Variants in LAMA1 observed in about 807,000 individuals in gnomAD.
The protein encoded by LAMA1 is laminin subunit alpha-1.
LAMA1 carries 219 observed loss-of-function variants against 348.7 expected under a neutral mutation model. The observed-to-expected ratio is 0.63, with a 90% CI of 0.56 to 0.70. The LOEUF (loss-of-function observed/expected upper bound fraction) is 0.70, where lower values mean the gene tolerates loss of function less well. Ranked by LOEUF, LAMA1 falls within the 30% of genes least tolerant of loss-of-function variation. The pLI is 0.00. For missense variants in LAMA1, 3,744 were observed against 3,888.0 expected, an observed-to-expected ratio of 0.96 and a Z score of 0.99; for synonymous variants, 1,487 against 1,491.0, an observed-to-expected ratio of 1.00 and a Z score of 0.06.
chr18:7,110,167 C>A (rs1028115151), intron 1 of LAMA1, among the ~76,000 whole-genome samples: 2 of 149,258 alleles, frequency 1.3e-5, no homozygotes, highest in Non-Finnish European at 3.0e-5. Flanking sequence ...GGTGACAGAG[C>A]AAGACTCCAT....
rs1422713235 is a variant in LAMA1 at position 6,999,921 on chromosome 18, G to A, written c.4459C>T (p.His1487Tyr). The change falls in exon 31 of 63, where the codon CAC becomes TAC. Residue 1487 changes from histidine to tyrosine, a missense_variant. His to Tyr is a moderately conservative substitution (Grantham distance 83). Around this residue, in one of 3 missense-constraint regions of LAMA1, gnomAD observed 1,983 missense variants for 1,934.3 expected, o/e 1.03. Transcript: ENST00000389658. ...DACLLGYEGK[H>Y]CERCSSSYYG... ...AATCCACCCATGTACCTTTCACAGT[G>A]TTTTCCTTCATAGCCCAGGAGACAG... 1 of 1,614,038 alleles carries A rather than the reference G, an allele frequency of 6.2e-7. No individual in the cohort carries two copies. The highest frequency in any genetic ancestry group is 2.2e-5 in the East Asian group (1 of 44,878).
chr18:7,009,275 A>G lies in LAMA1; in HGVS notation c.3965T>C (p.Ile1322Thr). Residue 1322 changes from isoleucine (I) to threonine (T), a missense_variant, in exon 27 of 63, where the codon ATC becomes ACC. This residue lies in a region of LAMA1 where 1,983 missense variants were observed against 1,934.3 expected (regional missense o/e 1.03). Transcript: ENST00000389658. Reference sequence around the variant, plus strand: ...TAATCCTTGACCATACGATGCCTTGATGAGGATGTACTCAATATCGCTGAG... The same window carrying G: ...TAATCCTTGACCATACGATGCCTTGGTGAGGATGTACTCAATATCGCTGAG... Reference protein sequence around the residue: ...SVLSDIEYILIKASYGQGLQQ... With the variant: ...SVLSDIEYILTKASYGQGLQQ... The G allele has an allele frequency of 6.2e-7, 1 of 1,614,112 alleles. No homozygotes were observed. The highest frequency in any genetic ancestry group is 8.5e-7 in the Non-Finnish European group (1 of 1,179,966).
chr18:6,967,635 C>A (rs2057639456), intron 48 of LAMA1, among the ~76,000 whole-genome samples: 1 of 152,156 alleles, frequency 6.6e-6, no homozygotes, highest in South Asian at 2.1e-4. Context: ...TTCGGAGGTC[C>A]TCGATGGGCC....
At chr18:6,972,324 T>C in intron 47 of LAMA1, 4 of 343,258 alleles carry the variant, frequency 1.2e-5, no homozygotes, top group South Asian at 2.5e-5. Flanking sequence ...CTTCAGAGCA[T>C]TGAACCAGAT....
chr18:7,080,483 G>A (rs1340895828), intron 1 of LAMA1, 26 bp from the exon 2 acceptor site: 1 of 1,612,138 alleles, frequency 6.2e-7, no homozygotes, highest in Admixed American at 1.7e-5. Flanking sequence ...TACCAAATCA[G>A]CTGAGCCACT....
intron 3 of LAMA1, among the ~76,000 whole-genome samples, chr18:7,053,244 A>G (rs2058069034): frequency 6.6e-6 from 1 of 152,190 alleles, no homozygotes; most frequent in Admixed American, 6.5e-5. Flanking sequence ...ACCACCCTGT[A>G]TGATACTCTA....
intron 57 of LAMA1, 37 bp from the exon 58 acceptor site, chr18:6,951,008 CTT>C: frequency 6.3e-7 from 1 of 1,583,812 alleles, no homozygotes; most frequent in South Asian, 1.1e-5. Flanking sequence ...AGAAAGGAAA[CTT>C]TTACTTTTCA....
chr18:6,949,302 A>G (rs748900821), intron 58 of LAMA1, 43 bp from the exon 59 acceptor site: 67 of 1,597,088 alleles, frequency 4.2e-5, no homozygotes, highest in Non-Finnish European at 4.7e-5. Flanking sequence ...AGGAATCTGA[A>G]AAAACTTTTA....
intron 1 of LAMA1, among the ~76,000 whole-genome samples, chr18:7,081,368 G>T (rs1026785798): frequency 1.3e-5 from 2 of 152,148 alleles, no homozygotes; most frequent in Non-Finnish European, 2.9e-5. Context: ...TGGTCCAGTT[G>T]ACTCTGGTAG....
At chr18:7,010,817 G>T (rs957288099) in intron 25 of LAMA1, among the ~76,000 whole-genome samples, 6 of 152,116 alleles carry the variant, frequency 3.9e-5, no homozygotes, top group African/African-American at 1.4e-4. Flanking sequence ...CCCCCCAAAT[G>T]AGTGATAATT....
At chr18:6,956,539 C>T in intron 56 of LAMA1, 97 bp downstream of exon 56, 1 of 1,574,746 alleles carries the variant, frequency 6.4e-7, no homozygotes, top group South Asian at 1.1e-5. Context: ...CCAGCTTTCG[C>T]AGGCACCTTT....
At chr18:7,017,099 C>T (rs1013385996) in intron 20 of LAMA1, among the ~76,000 whole-genome samples, 179 bp downstream of exon 20, 1 of 152,196 alleles carries the variant, frequency 6.6e-6, no homozygotes, top group East Asian at 1.9e-4. Context: ...GCCTCCCCAA[C>T]CATGCGAAAC....
chr18:7,038,090 C>T (rs1360583200), intron 11 of LAMA1, among the ~76,000 whole-genome samples: 1 of 152,222 alleles, frequency 6.6e-6, no homozygotes, highest in Non-Finnish European at 1.5e-5. Context: ...CTAAGTCTGA[C>T]TCCCTCTTCT....
intron 20 of LAMA1, 55 bp downstream of exon 20, chr18:7,017,223 G>A (rs556219120): frequency 7.2e-7 from 1 of 1,385,600 alleles, no homozygotes; most frequent in South Asian, 1.2e-5. Flanking sequence ...CTGAGTCATG[G>A]ATTCAATCGC....
At chr18:6,952,233 G>A (rs890227154) in intron 57 of LAMA1, among the ~76,000 whole-genome samples, 2 of 152,232 alleles carry the variant, frequency 1.3e-5, no homozygotes, top group African/African-American at 4.8e-5. Flanking sequence ...AGGAGAGTGT[G>A]CATCTGTGAC....
intron 58 of LAMA1, among the ~76,000 whole-genome samples, chr18:6,949,686 A>C (rs1040918055): frequency 6.6e-6 from 1 of 152,244 alleles, no homozygotes; most frequent in Non-Finnish European, 1.5e-5. Context: ...ATCAAAGATG[A>C]TAACAGTCCC....
chr18:7,099,208 C>A (rs1467205865), intron 1 of LAMA1, among the ~76,000 whole-genome samples: 6 of 151,074 alleles, frequency 4.0e-5, no homozygotes, highest in Non-Finnish European at 8.8e-5. Context: ...TGTGTCCACT[C>A]AGGGTTAAAT....
At chr18:7,009,523 A>G (rs1002909431) in intron 26 of LAMA1, among the ~76,000 whole-genome samples, 157 bp from the exon 27 acceptor site, 9 of 152,150 alleles carry the variant, frequency 5.9e-5, no homozygotes, top group Admixed American at 3.9e-4. Context: ...TGAAACCTCC[A>G]TGGACAGGCG....
intron 39 of LAMA1, among the ~76,000 whole-genome samples, 163 bp from the exon 40 acceptor site, chr18:6,983,397 A>C (rs79074926): frequency 0.019 from 2,937 of 152,316 alleles, 35 homozygotes; most frequent in Non-Finnish European, 0.031. Flanking sequence ...TTCCCATGTA[A>C]CTTCAAAAGT....
Sources: gnomAD v4.1 joint callset for allele counts (sites outside exome capture counted in the v4.1 genomes callset) on GRCh38, gnomAD v4.1.1 for gene constraint, gnomAD v4.1.1 regional missense constraint, MANE v1.5 for transcripts, NCBI Gene and HGNC (gene_info 2026-07-23, HGNC 2026-07-21) for gene names.